Variants in IGFL2 observed in about 807,000 individuals in gnomAD.
IGFL2 encodes the protein IGF like family member 2, also known as insulin growth factor-like family member 2.
A neutral mutation model predicts 13.9 loss-of-function variants in IGFL2; 7 were observed. The observed-to-expected ratio is 0.51, with a 90% CI of 0.29 to 0.95. The LOEUF is 0.95. IGFL2 is among the 40% of genes least tolerant of loss of function. The pLI is 0.08. For missense variants in IGFL2, 138 were observed against 147.8 expected (o/e 0.93, Z 0.34); for synonymous variants, 55 against 55.8 (o/e 0.99, Z 0.07).
At chr19:46,101,264 G>C in the IGFL2 span, 4 of 152,580 alleles carry the variant, frequency 2.6e-5, no homozygotes, top group African/African-American at 9.6e-5. Flanking sequence ...GAGGGGATGT[G>C]CTGTGCTGGG....
chr19:46,213,164 G>A, the IGFL2 span, among the ~76,000 whole-genome samples: 3 of 152,200 alleles, frequency 2.0e-5, no homozygotes, highest in Non-Finnish European at 2.9e-5. Context: ...CTGTGTGAGT[G>A]GGGGAGGGCG....
downstream of IGFL2, among the ~76,000 whole-genome samples, chr19:46,163,143 T>C (rs1974240513): frequency 6.6e-6 from 1 of 152,192 alleles, no homozygotes; most frequent in African/African-American, 2.4e-5. Context: ...GTTGTATGGC[T>C]CCCCTATGTT....
the IGFL2 span, among the ~76,000 whole-genome samples, chr19:46,168,936 GTGTA>G: frequency 6.4e-4 from 97 of 151,704 alleles, no homozygotes; most frequent in Admixed American, 9.8e-4. Flanking sequence ...GTGTGTGTGT[GTGTA>G]TGTGTATGTG....
chr19:46,120,752 T>G, the IGFL2 span, among the ~76,000 whole-genome samples: 1 of 151,076 alleles, frequency 6.6e-6, no homozygotes, highest in East Asian at 2.0e-4. Flanking sequence ...GGTTATTGCA[T>G]AGCATGATGC....
the IGFL2 span, among the ~76,000 whole-genome samples, chr19:46,106,907 G>A: frequency 6.6e-6 from 1 of 152,080 alleles, no homozygotes; most frequent in Admixed American, 6.5e-5. Flanking sequence ...ATTAAGGTAG[G>A]GAGATACAAG....
the IGFL2 span, among the ~76,000 whole-genome samples, chr19:46,126,876 G>T: frequency 6.6e-6 from 1 of 152,110 alleles, no homozygotes; most frequent in Non-Finnish European, 1.5e-5. Context: ...GATAGCTATT[G>T]CAAGACCCTA....
the IGFL2 span, among the ~76,000 whole-genome samples, chr19:46,092,565 G>A: frequency 1.3e-5 from 2 of 152,176 alleles, no homozygotes; most frequent in South Asian, 4.2e-4. Flanking sequence ...CTGAGCGGCT[G>A]AGGCTGCAGT....
the IGFL2 span, among the ~76,000 whole-genome samples, chr19:46,129,643 A>G: frequency 1.3e-5 from 2 of 152,074 alleles, no homozygotes; most frequent in Non-Finnish European, 2.9e-5. Flanking sequence ...GGGGCAGGTT[A>G]TTCAATTTCC....
At chr19:46,115,117 T>C in the IGFL2 span, among the ~76,000 whole-genome samples, 1 of 152,242 alleles carries the variant, frequency 6.6e-6, no homozygotes, top group Admixed American at 6.5e-5. Flanking sequence ...GGTGATTATC[T>C]TTCTCTGGTT....
At chr19:46,194,124 G>T in the IGFL2 span, among the ~76,000 whole-genome samples, 5 of 152,250 alleles carry the variant, frequency 3.3e-5, no homozygotes, top group East Asian at 9.7e-4. Flanking sequence ...AACTGCCTGA[G>T]GTAGGGCCTG....
chr19:46,092,309 A>G, the IGFL2 span, among the ~76,000 whole-genome samples: 1 of 151,912 alleles, frequency 6.6e-6, no homozygotes, highest in Non-Finnish European at 1.5e-5. Context: ...ACAGGCACAC[A>G]GCACCACTCC....
At chr19:46,188,105 T>C in the IGFL2 span, among the ~76,000 whole-genome samples, 1 of 152,226 alleles carries the variant, frequency 6.6e-6, no homozygotes. Flanking sequence ...ACACTAGGCA[T>C]AAATGGGGTT....
At chr19:46,082,823 T>C in the IGFL2 span, among the ~76,000 whole-genome samples, 3 of 152,288 alleles carry the variant, frequency 2.0e-5, no homozygotes, top group South Asian at 6.2e-4. Context: ...GTTAGTCATA[T>C]GGGTAGCTCT....
At chr19:46,179,004 CAG>C in the IGFL2 span, among the ~76,000 whole-genome samples, 1 of 151,958 alleles carries the variant, frequency 6.6e-6, no homozygotes, top group African/African-American at 2.4e-5. Context: ...GTGAGTAGAG[CAG>C]AGAGAAGAGG....
At chr19:46,194,830 T>TTATATATATATATATATATATA in the IGFL2 span, among the ~76,000 whole-genome samples, 1 of 46,780 alleles carries the variant, frequency 2.1e-5, no homozygotes, top group African/African-American at 1.0e-4. Flanking sequence ...CTTCCTCATT[T>TTATATATATATATATATATATA]TATATATATA....
the IGFL2 span, among the ~76,000 whole-genome samples, chr19:46,205,608 G>T: frequency 1.3e-5 from 2 of 152,098 alleles, no homozygotes; most frequent in Non-Finnish European, 2.9e-5. Context: ...GGTGCTGAGA[G>T]AGAGAGAGAG....
the IGFL2 span, among the ~76,000 whole-genome samples, chr19:46,129,537 T>G: frequency 1.3e-5 from 2 of 152,114 alleles, no homozygotes; most frequent in Admixed American, 1.3e-4. Context: ...TTAGCTGTGT[T>G]CCAGAGATTC....
At chr19:46,165,718 T>C (rs1323266715), downstream of IGFL2, among the ~76,000 whole-genome samples, 1 of 152,198 alleles carries the variant, frequency 6.6e-6, no homozygotes, top group Non-Finnish European at 1.5e-5. Flanking sequence ...TGCACTTGGA[T>C]AGCCATGGTC....
At chr19:46,203,402 A>G in the IGFL2 span, 1 of 152,794 alleles carries the variant, frequency 6.5e-6, no homozygotes, top group Non-Finnish European at 1.5e-5. Flanking sequence ...GAGTTGGCCA[A>G]CACCCCGGTA....
Sources: gnomAD v4.1 joint callset for allele counts (sites outside exome capture counted in the v4.1 genomes callset) on GRCh38, gnomAD v4.1.1 for gene constraint, MANE v1.5 for transcripts, NCBI Gene and HGNC (gene_info 2026-07-23, HGNC 2026-07-21) for gene names.